CELF4: variants seen among roughly 807,000 people sequenced by gnomAD.
CELF4 encodes CUGBP Elav-like family member 4, also known as CUG-BP- and ETR-3-like factor 4.
In CELF4, 18 loss-of-function variants were observed where a neutral mutation model predicts 59.9. That is an observed-to-expected ratio of 0.30 (90% CI 0.21 to 0.45). The LOEUF (loss-of-function observed/expected upper bound fraction) is 0.45, where lower values mean the gene tolerates loss of function less well. Ranked by LOEUF, CELF4 falls within the 20% of genes least tolerant of loss-of-function variation. CELF4 has a pLI of 1.00. For missense variants in CELF4, 456 were observed against 689.0 expected, an observed-to-expected ratio of 0.66 and a Z score of 3.79; for synonymous variants, 261 against 267.1, an observed-to-expected ratio of 0.98 and a Z score of 0.22.
chr18:37,555,102 C>T (rs1026600250), intron 1 of CELF4, among the ~76,000 whole-genome samples: 1 of 152,184 alleles, frequency 6.6e-6, no homozygotes, highest in African/African-American at 2.4e-5. Flanking sequence ...AGAGTGCACA[C>T]TGGCATCTCC....
At chr18:37,364,453 T>G (rs1191687381) in intron 2 of CELF4, among the ~76,000 whole-genome samples, 1 of 152,198 alleles carries the variant, frequency 6.6e-6, no homozygotes, top group East Asian at 1.9e-4. Flanking sequence ...GAAGACAGCA[T>G]GGAACACAAG....
chr18:37,519,381 C>T (rs1210897709), intron 1 of CELF4, among the ~76,000 whole-genome samples: 7 of 152,086 alleles, frequency 4.6e-5, no homozygotes, highest in African/African-American at 1.7e-4. Context: ...TCAAGGATGG[C>T]GTGCCCTCCT....
intron 2 of CELF4, among the ~76,000 whole-genome samples, chr18:37,435,030 G>A (rs2099685909): frequency 6.6e-6 from 1 of 152,114 alleles, no homozygotes; most frequent in South Asian, 2.1e-4. Flanking sequence ...GGGATGTAGG[G>A]AGGTCACCTG....
At chr18:37,536,457 G>A (rs1481117530) in intron 1 of CELF4, among the ~76,000 whole-genome samples, 1 of 152,212 alleles carries the variant, frequency 6.6e-6, no homozygotes, top group Non-Finnish European at 1.5e-5. Context: ...CTGAGCAACA[G>A]CCATCTTCTC....
chr18:37,264,295 A>C (rs891231563), intron 10 of CELF4, among the ~76,000 whole-genome samples: 2 of 152,206 alleles, frequency 1.3e-5, no homozygotes, highest in African/African-American at 4.8e-5. Context: ...AAGAAACACA[A>C]ACCCAACCAT....
At chr18:37,331,742 G>A (rs1194450307) in intron 2 of CELF4, among the ~76,000 whole-genome samples, 3 of 151,964 alleles carry the variant, frequency 2.0e-5, no homozygotes, top group Non-Finnish European at 4.4e-5. Flanking sequence ...GGGTGGGCAG[G>A]GTGTGGATGG....
chr18:37,473,804 A>G (rs1333704024), intron 2 of CELF4: 1 of 152,244 alleles, frequency 6.6e-6, no homozygotes, highest in African/African-American at 2.4e-5. Context: ...TCCCACCAAT[A>G]TTATCCGGCC....
intron 1 of CELF4, among the ~76,000 whole-genome samples, chr18:37,548,679 G>A (rs1048187313): frequency 6.6e-6 from 1 of 152,176 alleles, no homozygotes; most frequent in African/African-American, 2.4e-5. Context: ...CTTCTCATAT[G>A]ATCCTCACAA....
rs869309994 is a variant in CELF4 at position 37,408,496 on chromosome 18, G to GAC, written c.369+77028_369+77029insGT. Among the ~76,000 whole-genome samples, 15 of 18,102 alleles carry GAC rather than the reference G, an allele frequency of 8.3e-4. 2 individuals are homozygous for GAC. In the South Asian group the frequency reaches 0.077, roughly 93 times the overall value. The allele number at this position is 18,102 out of a possible 152,430, so 11.9% of individuals were successfully genotyped here. A position where few individuals can be genotyped will look rare whatever the true frequency, so the allele number is the denominator to read the frequency against. On this transcript the variant is annotated intron_variant, in intron 2 of 12. Coordinates refer to ENST00000420428, the MANE Select transcript of CELF4 (RefSeq NM_020180.4). ...TTTTCCCCCTTTGGTTGGTGCCGGGGGGGGGCGCGGTGCAGGAGGATGTGA... is the reference window on the plus strand; with the variant it reads ...TTTTCCCCCTTTGGTTGGTGCCGGGGACGGGGGCGCGGTGCAGGAGGATGTGA...
chr18:37,331,145 T>C (rs2097529048), intron 2 of CELF4, among the ~76,000 whole-genome samples: 1 of 152,184 alleles, frequency 6.6e-6, no homozygotes, highest in Non-Finnish European at 1.5e-5. Flanking sequence ...CTTCCAGCGC[T>C]GCGCTGCCTG....
intron 2 of CELF4, among the ~76,000 whole-genome samples, chr18:37,392,010 A>T (rs2154577844): frequency 6.6e-6 from 1 of 152,318 alleles, no homozygotes; most frequent in East Asian, 1.9e-4. Flanking sequence ...AGAGGGGTAA[A>T]CCATAATGCC....
chr18:37,322,034 A>G lies in CELF4; in HGVS notation c.370-153T>C, dbSNP rs113843458. Reference sequence around the variant, plus strand: ...TGCTGCTGCAAGCACACACACCTTCACCAAAGTGCTGCCCGTCTCCCCTCG... The same window carrying G: ...TGCTGCTGCAAGCACACACACCTTCGCCAAAGTGCTGCCCGTCTCCCCTCG... On this transcript the variant is annotated intron_variant, in intron 2 of 12. Transcript: ENST00000420428. 2.8e-3 allele frequency among the ~76,000 whole-genome samples: 423 copies of G among 152,190 alleles called. 3 individuals carry two copies. Among genetic ancestry groups the G allele is most frequent in the African/African-American group, 9.7e-3 (402 of 41,532 alleles).
At chr18:37,290,048 T>C (rs1003387467) in intron 3 of CELF4, among the ~76,000 whole-genome samples, 1 of 152,136 alleles carries the variant, frequency 6.6e-6, no homozygotes, top group African/African-American at 2.4e-5. Flanking sequence ...GGAGGCAGCA[T>C]GGAGGGGCAT....
chr18:37,441,491 C>T (rs576317513), intron 2 of CELF4, among the ~76,000 whole-genome samples: 8 of 152,020 alleles, frequency 5.3e-5, no homozygotes, highest in African/African-American at 1.9e-4. Context: ...GCTAATTGTT[C>T]GGATGGGAAG....
Position 37,485,554 on chromosome 18 carries a change from C to A in CELF4, c.340G>T (p.Ala114Ser). 7.0e-7 allele frequency: 1 copy of A among 1,437,770 alleles called. No individual in the cohort carries two copies. Among genetic ancestry groups the A allele is most frequent in the East Asian group, 2.9e-5 (1 of 35,058 alleles). The allele number at this position is 1,437,770 out of a possible 1,614,324, so 89.1% of individuals were successfully genotyped here. A position where few individuals can be genotyped will look rare whatever the true frequency, so the allele number is the denominator to read the frequency against. ...ERESALKAQS[A>S]LHEQKTLPGM... ...GGCAGAGTCTTCTGCTCGTGCAGCG[C>A]GCTCTGGGCCTTCAGCGCTGACTCA... The change falls in exon 2 of 13, where the codon GCG becomes TCG. Residue 114 changes from alanine to serine, a missense_variant. By Grantham distance (99) the Ala-to-Ser change is moderately conservative. Coordinates refer to ENST00000420428, the MANE Select transcript of CELF4 (RefSeq NM_020180.4).
chr18:37,307,541 C>T (rs1194390186), intron 3 of CELF4, among the ~76,000 whole-genome samples: 2 of 152,070 alleles, frequency 1.3e-5, no homozygotes, highest in Non-Finnish European at 1.5e-5. Flanking sequence ...TAAGATGTGC[C>T]ACAAGGAGAA....
intron 2 of CELF4, among the ~76,000 whole-genome samples, chr18:37,366,541 G>A (rs766569530): frequency 2.0e-4 from 30 of 152,184 alleles, no homozygotes; most frequent in South Asian, 1.2e-3. Context: ...CCCACACTCC[G>A]GTTTGGGGCC....
At chr18:37,317,108 C>T (rs1399958979) in intron 3 of CELF4, among the ~76,000 whole-genome samples, 3 of 152,174 alleles carry the variant, frequency 2.0e-5, no homozygotes, top group Admixed American at 6.5e-5. Flanking sequence ...TATTTCCGGC[C>T]GGGCGCGGTG....
intron 1 of CELF4, among the ~76,000 whole-genome samples, chr18:37,548,138 C>G (rs2099982033): frequency 6.6e-6 from 1 of 151,878 alleles, no homozygotes; most frequent in Non-Finnish European, 1.5e-5. Flanking sequence ...GTGTACACAT[C>G]TCTGTGTGTG....
Sources: allele counts gnomAD v4.1 joint callset (sites outside exome capture counted in the v4.1 genomes callset), GRCh38; gene constraint gnomAD v4.1.1; transcripts MANE v1.5; gene names NCBI Gene and HGNC (gene_info 2026-07-23, HGNC 2026-07-21).